The following GABBR1 variants were observed in gnomAD, a reference collection of about 807,000 sequenced individuals.
GABBR1 encodes the protein gamma-aminobutyric acid type B receptor subunit 1, also known as GABA-B receptor, R1 subunit.
Under a neutral mutation model 117.7 loss-of-function variants are expected in GABBR1, and 35 were observed. The observed-to-expected ratio is 0.30, with a 90% CI of 0.23 to 0.39. The LOEUF is 0.39. Ranked by LOEUF, GABBR1 falls within the 10% of genes least tolerant of loss-of-function variation. The pLI is 1.00. For synonymous variants in GABBR1, 442 were observed against 486.6 expected (o/e 0.91, Z 1.21); for missense variants, 709 against 1,241.8 (o/e 0.57, Z 6.45).
chr6:29,609,348 G>A lies in GABBR1; in HGVS notation c.1740C>T (p.Val580=), dbSNP rs758378752. 4 of 1,613,028 alleles carry A rather than the reference G, an allele frequency of 2.5e-6. No homozygotes were observed. In the Admixed American group the frequency reaches 6.7e-5, roughly 27 times the overall value. ...GTGACAGGAAGCGGAATGTCTTGAT[G>A]ACCAGGGTCTGGTCAGCTGGGGGGG... ...GGSPPADQTL[V]IKTFRFLSQK... The change falls in exon 15 of 23, where the codon GTC becomes GTT. Residue 580 remains valine, a synonymous_variant. Transcript: ENST00000377034. The surrounding 1 kb of genome is among the most constrained non-coding windows in gnomAD (Gnocchi z 4.3).
In GABBR1 at chr6:29,623,053, G is replaced by C. The variant is rs1425550119; in HGVS notation, c.963+252C>G. Among the ~76,000 whole-genome samples, 1 of 151,896 alleles carries C rather than the reference G, an allele frequency of 6.6e-6. No individual in the cohort carries two copies. Among genetic ancestry groups the C allele is most frequent in the Non-Finnish European group, 1.5e-5 (1 of 68,000 alleles). ...ACTTTAACAGAACTGAGTCATTCTG[G>C]GTCTATATGTCTGGGGAACAGGGCA... On this transcript the variant is annotated intron_variant, in intron 8 of 22. Coordinates refer to ENST00000377034, the MANE Select transcript of GABBR1 (RefSeq NM_001470.4). This position sits in a 1 kb window ranked among gnomAD's most constrained non-coding sequence, Gnocchi z 6.2.
intron 22 of GABBR1, 89 bp from the exon 23 acceptor site, chr6:29,603,805 A>G: frequency 9.7e-7 from 1 of 1,033,106 alleles, no homozygotes; most frequent in Non-Finnish European, 1.3e-6. Flanking sequence ...GCACAGGGAA[A>G]GAGAGGAAGG....
chr6:29,603,474 T>A lies in GABBR1; in HGVS notation c.*69A>T. 1 of 1,396,764 alleles carries A rather than the reference T, an allele frequency of 7.2e-7. No homozygotes were observed. Among genetic ancestry groups the A allele is most frequent in the Non-Finnish European group, 9.9e-7 (1 of 1,007,852 alleles). 86.5% of individuals were successfully genotyped at this position (1,396,764 alleles called of 1,614,324 possible). ...CAGCTGGGGATGGGGACCCCCTGCT[T>A]CCTGAGTCCCCTGCCCTTCCCCTCT... On this transcript the variant is annotated 3_prime_UTR_variant, in exon 23 of 23. Transcript: ENST00000377034.
rs1409026213 is a variant in GABBR1, at chr6:29,627,762, C to T, written c.497-116G>A. ...CAACCAGAAGCGGCAGTGGCCACCC[C>T]ACCCGGGCAAAAGGGGCCCCGGGCC... On this transcript the variant is annotated intron_variant, in intron 5 of 22. Coordinates refer to ENST00000377034, the MANE Select transcript of GABBR1 (RefSeq NM_001470.4). This position sits in a 1 kb window ranked among gnomAD's most constrained non-coding sequence, Gnocchi z 4.4. 1.4e-6 allele frequency: 2 copies of T among 1,479,368 alleles called. No homozygotes were observed. The highest frequency in any genetic ancestry group is 2.5e-5 in the Admixed American group (1 of 40,470). 91.6% of individuals were successfully genotyped at this position (1,479,368 alleles called of 1,614,324 possible). A position where few individuals can be genotyped will look rare whatever the true frequency, so the allele number is the denominator to read the frequency against.
Position 29,605,272 on chromosome 6 carries a change from CA to C in GABBR1, c.2440-285del. The C allele has an allele frequency of 1.8e-6, 1 of 560,714 alleles. No homozygotes were observed. Among genetic ancestry groups the C allele is most frequent in the Non-Finnish European group, 3.1e-6 (1 of 321,098 alleles). 34.7% of individuals were successfully genotyped at this position (560,714 alleles called of 1,614,324 possible). On this transcript the variant is annotated intron_variant, in intron 20 of 22. Coordinates refer to ENST00000377034, the MANE Select transcript of GABBR1 (RefSeq NM_001470.4). This position sits in a 1 kb window ranked among gnomAD's most constrained non-coding sequence, Gnocchi z 4.2. ...AGAGTCGGTCCCTGGCAGGAAATGT[CA>C]ATAGAGTCCAGCCCATTAACCACAG...
rs1765032888 is a variant in GABBR1, at chr6:29,631,975, AAT to A, written c.85+324_85+325del. Among the ~76,000 whole-genome samples, 1 of 149,856 alleles carries A rather than the reference AAT, an allele frequency of 6.7e-6. No homozygotes were observed. Among genetic ancestry groups the A allele is most frequent in the Non-Finnish European group, 1.5e-5 (1 of 67,962 alleles). On this transcript the variant is annotated intron_variant, in intron 2 of 22. Coordinates refer to ENST00000377034, the MANE Select transcript of GABBR1 (RefSeq NM_001470.4). This position sits in a 1 kb window ranked among gnomAD's most constrained non-coding sequence, Gnocchi z 5.9. Reference sequence around the variant, plus strand: ...TAGGATAGGAGGATAAAGGGAGGCTAATAAGATCATCTGGACAGCAAAGTGGG... The same window carrying A: ...TAGGATAGGAGGATAAAGGGAGGCTAAAGATCATCTGGACAGCAAAGTGGG...
chr6:29,603,777 GAGGGAAAGAGAGGAAGGGCAC>G lies in GABBR1; in HGVS notation c.2713-82_2713-62del, dbSNP rs1348200591. 5.6e-5 allele frequency: 72 copies of G among 1,277,586 alleles called. No homozygotes were observed. The African/African-American group carries it at 5.7e-4, about 10-fold the overall frequency. The allele number at this position is 1,277,586 out of a possible 1,614,324, so 79.1% of individuals were successfully genotyped here. On this transcript the variant is annotated intron_variant, in intron 22 of 22. Coordinates refer to ENST00000377034, the MANE Select transcript of GABBR1 (RefSeq NM_001470.4). ...GAGGAGGTGATGAAGGAGTGGGGAG[GAGGGAAAGAGAGGAAGGGCAC>G]AGGGAAAGAGAGGAAGGGCACAGAA...
chr6:29,613,876 G>A lies in GABBR1; in HGVS notation c.1324-391C>T, dbSNP rs1762805893. 6.6e-6 allele frequency among the ~76,000 whole-genome samples: 1 copy of A among 152,180 alleles called. No individual in the cohort carries two copies. The highest frequency in any genetic ancestry group is 1.5e-5 in the Non-Finnish European group (1 of 68,042). ...TCTGATCCTTCTGACTTTCTTCATA[G>A]AGTTAACCCAGGATCTAACAGCTCC... On this transcript the variant is annotated intron_variant, in intron 11 of 22. Transcript: ENST00000377034. The surrounding 1 kb of genome is among the most constrained non-coding windows in gnomAD (Gnocchi z 4.1).
In GABBR1 at chr6:29,622,488, G is replaced by A. The variant is rs184594897; in HGVS notation, c.964-283C>T. On this transcript the variant is annotated intron_variant, in intron 8 of 22. Coordinates refer to ENST00000377034, the MANE Select transcript of GABBR1 (RefSeq NM_001470.4). This position sits in a 1 kb window ranked among gnomAD's most constrained non-coding sequence, Gnocchi z 4.6. Reference sequence around the variant, plus strand: ...CACTCCTACCACTGAAGGCAAAGATGGGGTAAAGAAACATAAAGGAACCAG... The same window carrying A: ...CACTCCTACCACTGAAGGCAAAGATAGGGTAAAGAAACATAAAGGAACCAG... The A allele has an allele frequency of 2.2e-3, 982 of 441,100 alleles. 2 individuals are homozygous for A. The highest frequency in any genetic ancestry group is 0.012 in the African/African-American group (636 of 51,400). 27.3% of individuals were successfully genotyped at this position (441,100 alleles called of 1,614,324 possible).
chr6:29,630,583 C>A lies in GABBR1; in HGVS notation c.350G>T (p.Gly117Val), dbSNP rs1011449465. Residue 117 changes from glycine to valine, a missense_variant, in exon 4 of 23, where the codon GGG becomes GTG. Physicochemically the swap from Gly to Val is moderately radical, Grantham distance 109. Around this residue, in one of 9 missense-constraint regions of GABBR1, gnomAD observed 101 missense variants for 132.3 expected, o/e 0.76. Transcript: ENST00000377034. The surrounding 1 kb of genome is among the most constrained non-coding windows in gnomAD (Gnocchi z 4.9). ...LENGKVFLTG[G>V]DLPALDGARV... ...GGCTCCGTCCAGAGCTGGGAGGTCC[C>A]CACCCGTCAGGAAAACCTTCCCATT... 1 of 1,613,042 alleles carries A rather than the reference C, an allele frequency of 6.2e-7. No homozygotes were observed. Among genetic ancestry groups the A allele is most frequent in the South Asian group, 1.1e-5 (1 of 91,084 alleles).
Position 29,604,377 on chromosome 6 carries a change from C to T in GABBR1, c.2712+117G>A. 7.7e-7 allele frequency: 1 copy of T among 1,294,510 alleles called. No individual in the cohort carries two copies. Among genetic ancestry groups the T allele is most frequent in the Non-Finnish European group, 1.1e-6 (1 of 902,086 alleles). The allele number at this position is 1,294,510 out of a possible 1,614,324, so 80.2% of individuals were successfully genotyped here. On this transcript the variant is annotated intron_variant, in intron 22 of 22. Transcript: ENST00000377034. This position sits in a 1 kb window ranked among gnomAD's most constrained non-coding sequence, Gnocchi z 5.3. ...TTACAGGTTGTCTCCTAGGACCCTC[C>T]CTCCATGAGCCAAGAACATCTGACC...
At position 29,607,886 on chromosome 6, in the gene GABBR1, C is replaced by T. The variant is rs1273929458; in HGVS notation, c.1993-668G>A. Among the ~76,000 whole-genome samples, 1 of 152,250 alleles carries T rather than the reference C, an allele frequency of 6.6e-6. No homozygotes were observed. The highest frequency in any genetic ancestry group is 1.5e-5 in the Non-Finnish European group (1 of 68,052). The stretch of plus-strand genomic sequence containing the variant: ...CTATTGCACTACAGCTAATTGTCTG[C>T]TTCTCCAGCTGCACTCTGGCCTCAC... On this transcript the variant is annotated intron_variant, in intron 16 of 22. Coordinates refer to ENST00000377034, the MANE Select transcript of GABBR1 (RefSeq NM_001470.4). This position sits in a 1 kb window ranked among gnomAD's most constrained non-coding sequence, Gnocchi z 5.0.
rs1368567433 is a variant in GABBR1 at position 29,605,756 on chromosome 6, C to T, written c.2312-60G>A. 5 of 1,585,182 alleles carry T rather than the reference C, an allele frequency of 3.2e-6. No individual in the cohort carries two copies. In the African/African-American group the frequency reaches 5.3e-5, roughly 17 times the overall value. ...GGACCACAATGCTCCTCACTCAATC[C>T]CCATCCCCTCTCTGCCCTTCACCTA... is the stretch of plus-strand genomic sequence containing the variant. On this transcript the variant is annotated intron_variant, in intron 19 of 22. Transcript: ENST00000377034. The surrounding 1 kb of genome is among the most constrained non-coding windows in gnomAD (Gnocchi z 4.2).
Position 29,627,764 on chromosome 6 carries a change from C to T in GABBR1, c.497-118G>A. The T allele has an allele frequency of 6.8e-7, 1 of 1,478,756 alleles. No individual in the cohort carries two copies. The highest frequency in any genetic ancestry group is 1.3e-5 in the South Asian group (1 of 75,718). 91.6% of individuals were successfully genotyped at this position (1,478,756 alleles called of 1,614,324 possible). Reference sequence around the variant, plus strand: ...ACCAGAAGCGGCAGTGGCCACCCCACCCGGGCAAAAGGGGCCCCGGGCCCC... The same window carrying T: ...ACCAGAAGCGGCAGTGGCCACCCCATCCGGGCAAAAGGGGCCCCGGGCCCC... On this transcript the variant is annotated intron_variant, in intron 5 of 22. Coordinates refer to ENST00000377034, the MANE Select transcript of GABBR1 (RefSeq NM_001470.4). The surrounding 1 kb of genome is among the most constrained non-coding windows in gnomAD (Gnocchi z 4.4).
At position 29,630,345 on chromosome 6, in the gene GABBR1, T is replaced by C; in HGVS notation, c.475+113A>G. On this transcript the variant is annotated intron_variant, in intron 4 of 22. Coordinates refer to ENST00000377034, the MANE Select transcript of GABBR1 (RefSeq NM_001470.4). The surrounding 1 kb of genome is among the most constrained non-coding windows in gnomAD (Gnocchi z 4.9). Reference sequence around the variant, plus strand: ...GGACTTTCATCTCCCCTTTCCAGTGTCCTCCCCCACATTTTTATAGCTCTC... The same window carrying C: ...GGACTTTCATCTCCCCTTTCCAGTGCCCTCCCCCACATTTTTATAGCTCTC... 1 of 966,622 alleles carries C rather than the reference T, an allele frequency of 1.0e-6. No homozygotes were observed. Among genetic ancestry groups the C allele is most frequent in the Non-Finnish European group, 1.6e-6 (1 of 641,934 alleles). 59.9% of individuals were successfully genotyped at this position (966,622 alleles called of 1,614,324 possible).
At chr6:29,625,361 G>A (rs1377269418) in intron 6 of GABBR1, among the ~76,000 whole-genome samples, 2 of 152,098 alleles carry the variant, frequency 1.3e-5, no homozygotes, top group Non-Finnish European at 2.9e-5. Flanking sequence ...TAAAGACAGG[G>A]TTAATAGGAA....
rs1000980623 is a variant in GABBR1, at chr6:29,627,895, C to T, written c.497-249G>A. On this transcript the variant is annotated intron_variant, in intron 5 of 22. Transcript: ENST00000377034. The surrounding 1 kb of genome is among the most constrained non-coding windows in gnomAD (Gnocchi z 4.4). ...GGGTGCCGGGGAGGCGCCTCCATCC[C>T]TGATTTTGTGGGGAGGAGGGGGCGA... 184 of 1,361,004 alleles carry T rather than the reference C, an allele frequency of 1.4e-4. No individual in the cohort carries two copies. Among genetic ancestry groups the T allele is most frequent in the Non-Finnish European group, 1.6e-4 (172 of 1,065,494 alleles). The allele number at this position is 1,361,004 out of a possible 1,614,324, so 84.3% of individuals were successfully genotyped here. A position where few individuals can be genotyped will look rare whatever the true frequency, so the allele number is the denominator to read the frequency against.
rs1763926114 is a variant in GABBR1, at chr6:29,623,080, CAAACAGGGG to C, written c.963+216_963+224del. The stretch of plus-strand genomic sequence containing the variant: ...TCTATATGTCTGGGGAACAGGGCAT[CAAACAGGGG>C]AAAAAAATCATAAAATCATAAAGAC... On this transcript the variant is annotated intron_variant, in intron 8 of 22. Transcript: ENST00000377034. The surrounding 1 kb of genome is among the most constrained non-coding windows in gnomAD (Gnocchi z 6.2). Among the ~76,000 whole-genome samples the C allele has an allele frequency of 6.6e-6, 1 of 152,090 alleles. No individual in the cohort carries two copies. The highest frequency in any genetic ancestry group is 2.1e-4 in the South Asian group (1 of 4,830).
chr6:29,618,847 C>T (rs1763445599), intron 11 of GABBR1, among the ~76,000 whole-genome samples: 1 of 152,184 alleles, frequency 6.6e-6, no homozygotes, highest in South Asian at 2.1e-4. Context: ...TATTTAGAAT[C>T]ATCTTTGGCT....
Sources: allele counts gnomAD v4.1 joint callset (sites outside exome capture counted in the v4.1 genomes callset), GRCh38; gene constraint gnomAD v4.1.1; regional missense constraint gnomAD v4.1.1; non-coding constraint Gnocchi (gnomAD v3.1); transcripts MANE v1.5; gene names NCBI Gene and HGNC (gene_info 2026-07-23, HGNC 2026-07-21).